The following MIPEP variants were observed in gnomAD, a reference collection of about 807,000 sequenced individuals.
MIPEP encodes mitochondrial intermediate peptidase.
Under a neutral mutation model 90.3 loss-of-function variants are expected in MIPEP, and 79 were observed. The ratio of observed to expected loss-of-function variants is 0.87; its 90% CI spans 0.73 to 1.05. The LOEUF (loss-of-function observed/expected upper bound fraction) is 1.05. MIPEP is among the 50% of genes least tolerant of loss of function. MIPEP has a pLI of 0.00. For missense variants in MIPEP, 940 were observed against 905.6 expected, an observed-to-expected ratio of 1.04 and a Z score of -0.49; for synonymous variants, 334 against 315.8, an observed-to-expected ratio of 1.06 and a Z score of -0.61.
chr13:23,858,906 T>C lies in MIPEP; in HGVS notation c.1060A>G (p.Met354Val). The part of the protein sequence containing the change: ...MKLNPQNSEV[M>V]PWDPPYYSGV... The stretch of plus-strand genomic sequence containing the variant: ...CTGTAGTAAGGGGGGTCCCAGGGCA[T>C]TACTTCCTACAATGGAATAATTCAC... The change falls in exon 10 of 19, where the codon ATG (methionine) becomes GTG (valine). Residue 354 changes from methionine to valine, a missense_variant. Met to Val is a conservative substitution (Grantham distance 21). Transcript: ENST00000382172. 6.2e-7 allele frequency: 1 copy of C among 1,613,232 alleles called. No homozygotes were observed. Among genetic ancestry groups the C allele is most frequent in the Non-Finnish European group, 8.5e-7 (1 of 1,179,438 alleles).
intron 14 of MIPEP, among the ~76,000 whole-genome samples, chr13:23,813,320 G>A (rs1192884056): frequency 6.6e-6 from 1 of 152,112 alleles, no homozygotes; most frequent in Non-Finnish European, 1.5e-5. Context: ...GGTATACATG[G>A]GGGAACTGGT....
chr13:23,805,651 A>G (rs1006716835), intron 16 of MIPEP, among the ~76,000 whole-genome samples: 1 of 152,160 alleles, frequency 6.6e-6, no homozygotes, highest in African/African-American at 2.4e-5. Context: ...TTACATCACT[A>G]TTTTTCACAT....
chr13:23,803,763 G>A (rs1953075280), intron 16 of MIPEP, among the ~76,000 whole-genome samples: 1 of 152,174 alleles, frequency 6.6e-6, no homozygotes, highest in South Asian at 2.1e-4. Context: ...AATGTTATAG[G>A]CTTGATGAAT....
chr13:23,881,218 T>C (rs1289165277), intron 3 of MIPEP, among the ~76,000 whole-genome samples: 1 of 152,216 alleles, frequency 6.6e-6, no homozygotes, highest in Non-Finnish European at 1.5e-5. Flanking sequence ...ACACTGTTTA[T>C]AGAGCATTTT....
intron 16 of MIPEP, among the ~76,000 whole-genome samples, chr13:23,765,686 A>G (rs12428143): frequency 0.27 from 41,436 of 152,164 alleles, 6,525 homozygotes; most frequent in South Asian, 0.47. Context: ...CTGGAAGCAC[A>G]ACGGGAACTC....
At chr13:23,739,211 C>T (rs1023109523) in intron 18 of MIPEP, among the ~76,000 whole-genome samples, 2 of 152,152 alleles carry the variant, frequency 1.3e-5, no homozygotes, top group Admixed American at 1.3e-4. Flanking sequence ...GTGGATTTGG[C>T]ATGGATATGG....
In MIPEP at chr13:23,856,776, G is replaced by A. The variant is rs373425789; in HGVS notation, c.1106+2084C>T. On this transcript the variant is annotated intron_variant, in intron 10 of 18. Coordinates refer to ENST00000382172, the MANE Select transcript of MIPEP (RefSeq NM_005932.4). ...ACAAGTCCTGCTGATCTCCTACCTCGGAACCACCATTTGGGCATGCTATAT... is the reference window on the plus strand; with the variant it reads ...ACAAGTCCTGCTGATCTCCTACCTCAGAACCACCATTTGGGCATGCTATAT... Among the ~76,000 whole-genome samples, 11 of 152,122 alleles carry A rather than the reference G, an allele frequency of 7.2e-5. 1 individual carries two copies. Among genetic ancestry groups the A allele is most frequent in the Admixed American group, 3.9e-4 (6 of 15,274 alleles).
At chr13:23,871,594 T>C (rs1011606488) in intron 5 of MIPEP, among the ~76,000 whole-genome samples, 1 of 152,210 alleles carries the variant, frequency 6.6e-6, no homozygotes, top group Admixed American at 6.5e-5. Flanking sequence ...AACTGTTCTA[T>C]GCTCCTAAAA....
intron 15 of MIPEP, 28 bp from the exon 16 acceptor site, chr13:23,806,097 T>G: frequency 6.2e-7 from 1 of 1,612,770 alleles, no homozygotes; most frequent in South Asian, 1.1e-5. Flanking sequence ...TCTACTTAGT[T>G]TTGGTCGTCC....
chr13:23,770,288 A>G (rs1259188509), intron 16 of MIPEP, among the ~76,000 whole-genome samples: 1 of 152,090 alleles, frequency 6.6e-6, no homozygotes, highest in African/African-American at 2.4e-5. Context: ...GCCTCCAGGT[A>G]AGCTCCTGAT....
rs116642939 is a variant in MIPEP, at chr13:23,858,714, A to G, written c.1106+146T>C. ...AATGATACAAGCAGCTGAAGAATACATGAGTGGAGCAGACCACGCCAGCAG... is the reference window on the plus strand; with the variant it reads ...AATGATACAAGCAGCTGAAGAATACGTGAGTGGAGCAGACCACGCCAGCAG... On this transcript the variant is annotated intron_variant, in intron 10 of 18. Coordinates refer to ENST00000382172, the MANE Select transcript of MIPEP (RefSeq NM_005932.4). 3.1e-3 allele frequency: 2,076 copies of G among 668,834 alleles called. 44 individuals carry two copies. The African/African-American group carries it at 0.034, about 11-fold the overall frequency. The allele number at this position is 668,834 out of a possible 1,614,324, so 41.4% of individuals were successfully genotyped here. A position where few individuals can be genotyped will look rare whatever the true frequency, so the allele number is the denominator to read the frequency against.
At chr13:23,755,875 C>A (rs1260998627) in intron 18 of MIPEP, among the ~76,000 whole-genome samples, 1 of 151,364 alleles carries the variant, frequency 6.6e-6, no homozygotes, top group Non-Finnish European at 1.5e-5. Flanking sequence ...TAGTTTTAAA[C>A]TTTCAGAAAA....
chr13:23,740,532 G>A lies in MIPEP; in HGVS notation c.2045-10087C>T, dbSNP rs557649449. 6.8e-4 allele frequency among the ~76,000 whole-genome samples: 103 copies of A among 151,638 alleles called. 1 individual carries two copies. The highest frequency in any genetic ancestry group is 1.2e-3 in the Non-Finnish European group (83 of 67,932). ...ATTAAAAAAAAAAATCAGTTCACCC[G>A]TTATTAAAAAGAATTTAATGATGTC... On this transcript the variant is annotated intron_variant, in intron 18 of 18. Transcript: ENST00000382172.
chr13:23,730,504 A>G, intron 18 of MIPEP, 59 bp from the exon 19 acceptor site: 1 of 1,126,550 alleles, frequency 8.9e-7, no homozygotes, highest in Non-Finnish European at 1.3e-6. Context: ...AAGCACAAAG[A>G]CACAAAATCA....
At chr13:23,746,668 C>A (rs988974275) in intron 18 of MIPEP, among the ~76,000 whole-genome samples, 1 of 151,072 alleles carries the variant, frequency 6.6e-6, no homozygotes, top group Non-Finnish European at 1.5e-5. Flanking sequence ...AAAAGGAACA[C>A]CATCTATAAC....
At chr13:23,835,581 G>A (rs1005569571) in intron 14 of MIPEP, among the ~76,000 whole-genome samples, 4 of 152,054 alleles carry the variant, frequency 2.6e-5, no homozygotes, top group Non-Finnish European at 4.4e-5. Context: ...ATCACCTCAC[G>A]TAATACGGTT....
chr13:23,836,652 A>C (rs1246752956), intron 13 of MIPEP, among the ~76,000 whole-genome samples: 1 of 152,246 alleles, frequency 6.6e-6, no homozygotes. Context: ...GCTATACATG[A>C]AACAGATTAA....
chr13:23,770,991 C>T (rs1952643900), intron 16 of MIPEP, among the ~76,000 whole-genome samples: 1 of 152,188 alleles, frequency 6.6e-6, no homozygotes, highest in Non-Finnish European at 1.5e-5. Flanking sequence ...TCTTTCCAAA[C>T]CTCACTGAAT....
chr13:23,737,104 G>A (rs1952273684), intron 18 of MIPEP, among the ~76,000 whole-genome samples: 1 of 152,208 alleles, frequency 6.6e-6, no homozygotes, highest in Non-Finnish European at 1.5e-5. Flanking sequence ...TGCCACCCAT[G>A]AGCACTTGTA....
Sources: gnomAD v4.1 joint callset for allele counts (sites outside exome capture counted in the v4.1 genomes callset) on GRCh38, gnomAD v4.1.1 for gene constraint, MANE v1.5 for transcripts, NCBI Gene and HGNC (gene_info 2026-07-23, HGNC 2026-07-21) for gene names.